The following FRMD6 variants were observed in gnomAD, a reference collection of about 807,000 sequenced individuals.
The protein encoded by FRMD6 is FERM domain containing 6.
FRMD6 carries 37 observed loss-of-function variants against 73.2 expected under a neutral mutation model. That is an observed-to-expected ratio of 0.51 (90% CI 0.39 to 0.66). FRMD6 has a LOEUF of 0.66. Ranked by LOEUF, FRMD6 falls within the 30% of genes least tolerant of loss-of-function variation. The probability of loss-of-function intolerance (pLI) is 0.00; values close to 1 mark genes in which losing one functional copy is unlikely to be tolerated. For synonymous variants in FRMD6, 273 were observed against 282.2 expected (o/e 0.97, Z 0.33); for missense variants, 714 against 780.5 (o/e 0.91, Z 1.02).
intron 1 of FRMD6, among the ~76,000 whole-genome samples, chr14:51,490,967 C>T (rs1012175209): frequency 1.3e-5 from 2 of 152,084 alleles, no homozygotes; most frequent in African/African-American, 4.8e-5. Flanking sequence ...GGGCAAGGGC[C>T]CTGGTTCTTG....
chr14:51,684,661 C>G (rs1457549972), intron 1 of FRMD6, among the ~76,000 whole-genome samples: 1 of 152,038 alleles, frequency 6.6e-6, no homozygotes, highest in Non-Finnish European at 1.5e-5. Context: ...AGAGGGGCTC[C>G]TGGCAGCTAG....
chr14:51,714,241 A>G (rs1897117759), intron 9 of FRMD6: 1 of 152,142 alleles, frequency 6.6e-6, no homozygotes, highest in South Asian at 2.1e-4. Flanking sequence ...TTAGTGCTCA[A>G]TAAATGTCAG....
At chr14:51,451,229 A>C in the FRMD6 span, among the ~76,000 whole-genome samples, 1 of 152,152 alleles carries the variant, frequency 6.6e-6, no homozygotes, top group Non-Finnish European at 1.5e-5. Flanking sequence ...ATATAGTTTG[A>C]TATTTGTTCC....
intron 1 of FRMD6, among the ~76,000 whole-genome samples, chr14:51,507,083 GACACACACACAC>G (rs200052672): frequency 0.026 from 3,629 of 139,058 alleles, 69 homozygotes; most frequent in South Asian, 0.078. Flanking sequence ...TGGTTGTATA[GACACACACACAC>G]ACACACACAC....
At chr14:51,654,853 A>G (rs959445678) in intron 1 of FRMD6, among the ~76,000 whole-genome samples, 9 of 152,058 alleles carry the variant, frequency 5.9e-5, no homozygotes, top group African/African-American at 2.2e-4. Context: ...AAGGATAGAA[A>G]GTTTTTTGCA....
At chr14:51,609,728 T>C (rs1038800924) in intron 2 of FRMD6, among the ~76,000 whole-genome samples, 1 of 152,190 alleles carries the variant, frequency 6.6e-6, no homozygotes, top group Non-Finnish European at 1.5e-5. Context: ...GAGATGCGGC[T>C]CAAGAGCGGT....
the FRMD6 span, among the ~76,000 whole-genome samples, chr14:51,456,861 C>A: frequency 2.0e-5 from 3 of 152,000 alleles, no homozygotes; most frequent in Non-Finnish European, 4.4e-5. Flanking sequence ...CATGGATGAC[C>A]CTGGAGGACA....
chr14:51,449,369 A>G, the FRMD6 span, among the ~76,000 whole-genome samples: 15,905 of 152,238 alleles, frequency 0.1, 955 homozygotes, highest in Non-Finnish European at 0.13. Flanking sequence ...GGTGATTTTG[A>G]GATTCCACCC....
At chr14:51,573,392 A>G (rs2139604804) in intron 2 of FRMD6, among the ~76,000 whole-genome samples, 1 of 152,298 alleles carries the variant, frequency 6.6e-6, no homozygotes, top group Non-Finnish European at 1.5e-5. Context: ...TGAGAGACAA[A>G]GGAGCAGGAG....
intron 1 of FRMD6, among the ~76,000 whole-genome samples, chr14:51,489,801 A>G (rs1476385701): frequency 1.3e-5 from 2 of 152,230 alleles, no homozygotes; most frequent in Admixed American, 1.3e-4. Context: ...TCTCAAAAAC[A>G]CAGATGATAA....
intron 1 of FRMD6, among the ~76,000 whole-genome samples, chr14:51,518,169 A>AAAACTT (rs1445285074): frequency 6.6e-6 from 1 of 152,248 alleles, no homozygotes; most frequent in African/African-American, 2.4e-5. Context: ...GCATTATATC[A>AAAACTT]AAACTTAATC....
At chr14:51,398,058 C>T in the FRMD6 span, among the ~76,000 whole-genome samples, 1 of 151,974 alleles carries the variant, frequency 6.6e-6, no homozygotes, top group Non-Finnish European at 1.5e-5. Flanking sequence ...TTTTTTTGGT[C>T]TCTAGAACCA....
chr14:51,674,762 T>C (rs188693177), intron 1 of FRMD6, among the ~76,000 whole-genome samples: 228 of 152,178 alleles, frequency 1.5e-3, no homozygotes, highest in Middle Eastern at 6.8e-3. Context: ...CAGAGGATGA[T>C]TACTGTGAGA....
chr14:51,680,264 C>T (rs959782513), intron 1 of FRMD6, among the ~76,000 whole-genome samples: 9 of 152,194 alleles, frequency 5.9e-5, no homozygotes, highest in African/African-American at 1.9e-4. Context: ...TGTATTACTT[C>T]CCACCCTTGC....
At chr14:51,457,292 G>T in the FRMD6 span, among the ~76,000 whole-genome samples, 1 of 151,754 alleles carries the variant, frequency 6.6e-6, no homozygotes, top group Non-Finnish European at 1.5e-5. Flanking sequence ...ATTAAAAAGA[G>T]AATTGAAAAC....
the FRMD6 span, among the ~76,000 whole-genome samples, chr14:51,456,996 G>C: frequency 1.3e-5 from 2 of 152,172 alleles, no homozygotes; most frequent in Admixed American, 6.5e-5. Flanking sequence ...GAGCAAGAGA[G>C]AGGAAAATGA....
the FRMD6 span, among the ~76,000 whole-genome samples, chr14:51,468,107 G>A: frequency 6.6e-6 from 1 of 152,044 alleles, no homozygotes. Context: ...CGGCCAATAC[G>A]GCGAAACCCC....
chr14:51,457,577 A>G, the FRMD6 span, among the ~76,000 whole-genome samples: 1 of 152,242 alleles, frequency 6.6e-6, no homozygotes, highest in Non-Finnish European at 1.5e-5. Flanking sequence ...AACATCCACC[A>G]TTCCTAAATA....
At chr14:51,722,962 A>T (rs953213483) in intron 12 of FRMD6, among the ~76,000 whole-genome samples, 8 of 152,230 alleles carry the variant, frequency 5.3e-5, no homozygotes, top group African/African-American at 1.9e-4. Flanking sequence ...ATACACAGTC[A>T]CTACCATCCT....
Sources: allele counts gnomAD v4.1 joint callset (sites outside exome capture counted in the v4.1 genomes callset), GRCh38; gene constraint gnomAD v4.1.1; transcripts MANE v1.5; gene names NCBI Gene and HGNC (gene_info 2026-07-23, HGNC 2026-07-21).